LRRC4C: variants seen among roughly 807,000 people sequenced by gnomAD.
LRRC4C encodes the protein leucine rich repeat containing 4C, also known as leucine-rich repeat-containing protein 4C.
A neutral mutation model predicts 33.6 loss-of-function variants in LRRC4C; 5 were observed. That is an observed-to-expected ratio of 0.15 (90% confidence interval 0.08 to 0.31). The LOEUF is 0.31. LRRC4C is among the 10% of genes least tolerant of loss of function. The probability of loss-of-function intolerance (pLI) is 1.00; values close to 1 mark genes in which losing one functional copy is unlikely to be tolerated. For synonymous variants in LRRC4C, 329 were observed against 302.0 expected (o/e 1.09, Z -0.93); for missense variants, 560 against 796.7 (o/e 0.70, Z 3.58).
At chr11:41,165,529 C>T (rs1944681247) in intron 1 of LRRC4C, among the ~76,000 whole-genome samples, 1 of 152,028 alleles carries the variant, frequency 6.6e-6, no homozygotes, top group African/African-American at 2.4e-5. Flanking sequence ...ACTAATCTTA[C>T]CACTTCAAGA....
At chr11:40,133,690 A>AGGGAGTGTG (rs1856796115) in intron 6 of LRRC4C, among the ~76,000 whole-genome samples, 1 of 152,150 alleles carries the variant, frequency 6.6e-6, no homozygotes, top group Non-Finnish European at 1.5e-5. Context: ...TGCTCCACTG[A>AGGGAGTGTG]GGGAGTGTGT....
chr11:40,684,486 T>G (rs1944857958), intron 2 of LRRC4C, among the ~76,000 whole-genome samples: 1 of 151,990 alleles, frequency 6.6e-6, no homozygotes, highest in East Asian at 1.9e-4. Flanking sequence ...AAATTGAATT[T>G]TCAGTGAGAA....
intron 3 of LRRC4C, among the ~76,000 whole-genome samples, chr11:40,573,120 C>T (rs1176555149): frequency 6.6e-6 from 1 of 152,130 alleles, no homozygotes; most frequent in Non-Finnish European, 1.5e-5. Flanking sequence ...GAGAATAGCA[C>T]TTTGCTACTT....
chr11:40,598,435 G>A (rs772147217), intron 3 of LRRC4C, among the ~76,000 whole-genome samples: 2 of 152,164 alleles, frequency 1.3e-5, no homozygotes, highest in Non-Finnish European at 2.9e-5. Context: ...AAACCCGTCT[G>A]TTACCCAGGC....
intron 3 of LRRC4C, among the ~76,000 whole-genome samples, chr11:40,407,955 A>G (rs1221359762): frequency 2.0e-5 from 3 of 152,048 alleles, no homozygotes; most frequent in East Asian, 1.9e-4. Flanking sequence ...CTTATTTCCA[A>G]TCACCAAGTA....
chr11:40,525,803 A>G (rs542644241), intron 3 of LRRC4C, among the ~76,000 whole-genome samples: 1 of 152,280 alleles, frequency 6.6e-6, no homozygotes, highest in South Asian at 2.1e-4. Flanking sequence ...AAGAAAACAA[A>G]ACTGTAGGAA....
At chr11:40,564,254 C>G (rs1030469195) in intron 3 of LRRC4C, among the ~76,000 whole-genome samples, 3 of 152,142 alleles carry the variant, frequency 2.0e-5, no homozygotes, top group Non-Finnish European at 4.4e-5. Flanking sequence ...ACGGCCAATG[C>G]TTGGCGAAGT....
chr11:40,930,331 A>G (rs1448394422), intron 2 of LRRC4C, among the ~76,000 whole-genome samples: 1 of 152,208 alleles, frequency 6.6e-6, no homozygotes, highest in Non-Finnish European at 1.5e-5. Context: ...GGACTTCCTA[A>G]TGGCCAAAGT....
At chr11:40,641,849 C>A (rs1366153739) in intron 3 of LRRC4C, among the ~76,000 whole-genome samples, 4 of 152,072 alleles carry the variant, frequency 2.6e-5, no homozygotes, top group South Asian at 2.1e-4. Context: ...TTTATATTTG[C>A]GAATAGTTAT....
chr11:40,484,185 C>T (rs904111000), intron 3 of LRRC4C, among the ~76,000 whole-genome samples: 2 of 152,022 alleles, frequency 1.3e-5, no homozygotes, highest in African/African-American at 4.8e-5. Context: ...TTATTCCTTT[C>T]GATCCAATAG....
intron 1 of LRRC4C, among the ~76,000 whole-genome samples, chr11:41,026,746 A>G (rs572267600): frequency 6.6e-6 from 1 of 151,724 alleles, no homozygotes; most frequent in South Asian, 2.1e-4. Flanking sequence ...CCACTACAAA[A>G]AAAGATTATG....
At chr11:41,073,111 T>C (rs1235372434) in intron 1 of LRRC4C, among the ~76,000 whole-genome samples, 1 of 152,178 alleles carries the variant, frequency 6.6e-6, no homozygotes, top group East Asian at 1.9e-4. Context: ...CTTGCAGTTG[T>C]CATAGTCTGT....
rs967126175 is a variant in LRRC4C, at chr11:40,587,768, T to C, written c.-270+60374A>G. 2.6e-4 allele frequency among the ~76,000 whole-genome samples: 39 copies of C among 152,232 alleles called. 2 individuals carry two copies. The highest frequency in any genetic ancestry group is 9.4e-4 in the African/African-American group (39 of 41,512). On this transcript the variant is annotated intron_variant, in intron 3 of 6. Coordinates refer to ENST00000528697, the MANE Select transcript of LRRC4C (RefSeq NM_001258419.2). ...TTTGTCTTTGGCTCTGTTTATATGC[T>C]GGATTACATGTATTGATTTGCGTAT...
intron 3 of LRRC4C, among the ~76,000 whole-genome samples, chr11:40,589,973 G>C (rs1028729505): frequency 1.3e-5 from 2 of 151,088 alleles, no homozygotes; most frequent in Non-Finnish European, 1.5e-5. Context: ...TGCTCTTCTC[G>C]AGGAGTATCT....
At chr11:40,187,480 C>T (rs1861496938) in intron 5 of LRRC4C, among the ~76,000 whole-genome samples, 1 of 152,002 alleles carries the variant, frequency 6.6e-6, no homozygotes. Context: ...AATGGGAACG[C>T]TGTCTACCTC....
intron 1 of LRRC4C, among the ~76,000 whole-genome samples, chr11:41,418,391 A>C (rs1161914162): frequency 6.6e-6 from 1 of 151,950 alleles, no homozygotes; most frequent in East Asian, 1.9e-4. Flanking sequence ...GGTTGCAGGG[A>C]AGTAAAATTT....
At chr11:41,019,486 T>C (rs1357161584) in intron 1 of LRRC4C, among the ~76,000 whole-genome samples, 4 of 152,202 alleles carry the variant, frequency 2.6e-5, no homozygotes, top group African/African-American at 7.2e-5. Flanking sequence ...AACATACATG[T>C]GCATGTGTCT....
At chr11:40,911,290 AC>A (rs1956670255) in intron 2 of LRRC4C, among the ~76,000 whole-genome samples, 1 of 151,958 alleles carries the variant, frequency 6.6e-6, no homozygotes, top group African/African-American at 2.4e-5. Flanking sequence ...ACTGGGAGGC[AC>A]CCCCGAGTAG....
At chr11:41,166,424 G>A (rs12361748) in intron 1 of LRRC4C, among the ~76,000 whole-genome samples, 11,963 of 152,200 alleles carry the variant, frequency 0.079, 477 homozygotes, top group Middle Eastern at 0.12. Context: ...ACGACATATA[G>A]TCAGACCTTA....
Sources: gnomAD v4.1 joint callset for allele counts (sites outside exome capture counted in the v4.1 genomes callset) on GRCh38, gnomAD v4.1.1 for gene constraint, MANE v1.5 for transcripts, NCBI Gene and HGNC (gene_info 2026-07-23, HGNC 2026-07-21) for gene names.